Variants in ARHGEF18 observed in about 807,000 individuals in gnomAD.
The protein encoded by ARHGEF18 is rho guanine nucleotide exchange factor 18.
ARHGEF18 carries 93 observed loss-of-function variants against 155.7 expected under a neutral mutation model. The ratio of observed to expected loss-of-function variants is 0.60; its 90% confidence interval spans 0.50 to 0.71. The LOEUF (loss-of-function observed/expected upper bound fraction) is 0.71, where lower values mean the gene tolerates loss of function less well. Ranked by LOEUF, ARHGEF18 falls within the 30% of genes least tolerant of loss-of-function variation. ARHGEF18 has a pLI of 0.00. For synonymous variants in ARHGEF18, 742 were observed against 753.1 expected (o/e 0.99, Z 0.24); for missense variants, 1,593 against 1,816.1 (o/e 0.88, Z 2.23).
chr19:7,475,753 G>A (rs917190997), downstream of ARHGEF18, among the ~76,000 whole-genome samples: 7 of 152,196 alleles, frequency 4.6e-5, no homozygotes, highest in African/African-American at 7.2e-5. Context: ...ACACAGAGGC[G>A]CTGCTCCAAG....
At chr19:7,368,016 AGGGC>A (rs60202561) in intron 2 of ARHGEF18, among the ~76,000 whole-genome samples, 5,827 of 118,948 alleles carry the variant, frequency 0.049, 659 homozygotes, top group African/African-American at 0.15. Context: ...GGAGGGAGGG[AGGGC>A]GGAAGGAAGG....
chr19:7,360,718 C>T (rs1414164585), intron 1 of ARHGEF18, among the ~76,000 whole-genome samples: 2 of 152,224 alleles, frequency 1.3e-5, no homozygotes, highest in East Asian at 3.8e-4. Flanking sequence ...ATGGGACTGC[C>T]TTTCCCCTCC....
At chr19:7,375,351 A>AAG (rs1970398852) in intron 3 of ARHGEF18, among the ~76,000 whole-genome samples, 1 of 143,648 alleles carries the variant, frequency 7.0e-6, no homozygotes, top group Non-Finnish European at 1.5e-5. Context: ...AGAAAAAGAA[A>AAG]GAAAAGGAAG....
intron 10 of ARHGEF18, among the ~76,000 whole-genome samples, chr19:7,401,265 G>A (rs1972008479): frequency 6.6e-6 from 1 of 152,018 alleles, no homozygotes; most frequent in Admixed American, 6.6e-5. Context: ...TGTCCACTTG[G>A]GGGCTCCTAA....
At chr19:7,353,651 A>G (rs1369377538) in intron 1 of ARHGEF18, among the ~76,000 whole-genome samples, 5 of 151,398 alleles carry the variant, frequency 3.3e-5, no homozygotes, top group African/African-American at 1.2e-4. Flanking sequence ...TCCCTGTTGT[A>G]TTTTTTTAAA....
intron 10 of ARHGEF18, among the ~76,000 whole-genome samples, chr19:7,398,604 T>C (rs1600295729): frequency 6.7e-6 from 1 of 150,318 alleles, no homozygotes; most frequent in East Asian, 2.0e-4. Context: ...GGCAGGAGAA[T>C]CGCTTGAACC....
At chr19:7,449,620 T>C (rs763131896) in intron 15 of ARHGEF18, among the ~76,000 whole-genome samples, 12 of 152,030 alleles carry the variant, frequency 7.9e-5, no homozygotes, top group Admixed American at 6.6e-4. Context: ...CATGTGTACA[T>C]TGTGTGTGTG....
In ARHGEF18 at chr19:7,456,366, T is replaced by C. The variant is rs770630262; in HGVS notation, c.2144T>C (p.Leu715Pro). The change falls in exon 18 of 29, where the codon CTA becomes CCA. Residue 715 changes from leucine to proline, a missense_variant. Coordinates refer to ENST00000668164, the MANE Select transcript of ARHGEF18 (RefSeq NM_001367823.1). ...CTGCTGACCGACGTACTTTTGCTGC[T>C]ACAAGAAAAAGATCAGAAATACGTC... ...AILLTDVLLL[L>P]QEKDQKYVFA... 5.0e-6 allele frequency: 8 copies of C among 1,614,054 alleles called. No individual in the cohort carries two copies. The highest frequency in any genetic ancestry group is 5.1e-6 in the Non-Finnish European group (6 of 1,180,030).
intron 10 of ARHGEF18, among the ~76,000 whole-genome samples, chr19:7,407,245 T>G (rs1310379254): frequency 6.8e-6 from 1 of 147,322 alleles, no homozygotes; most frequent in Non-Finnish European, 1.5e-5. Context: ...GCCAACATGG[T>G]GAAAACCCCG....
chr19:7,467,709 G>A (rs556277826), intron 26 of ARHGEF18, 25 bp downstream of exon 26: 126 of 1,458,594 alleles, frequency 8.6e-5, no homozygotes, highest in Non-Finnish European at 1.0e-4. Flanking sequence ...GCCAGTGTGC[G>A]CAGGTTGGGG....
chr19:7,472,920 T>C, downstream of ARHGEF18: 2 of 451,652 alleles, frequency 4.4e-6, no homozygotes. Flanking sequence ...GAGGCTGGTC[T>C]CGAACTCCTG....
chr19:7,477,614 G>A, the ARHGEF18 span, among the ~76,000 whole-genome samples: 2 of 151,706 alleles, frequency 1.3e-5, no homozygotes. Flanking sequence ...TCACCCCCCC[G>A]ACCCAAGCAC....
At chr19:7,361,928 G>A (rs1568264030) in intron 1 of ARHGEF18, among the ~76,000 whole-genome samples, 1 of 151,612 alleles carries the variant, frequency 6.6e-6, no homozygotes, top group Non-Finnish European at 1.5e-5. Flanking sequence ...GGAGGCGGAG[G>A]TTGTGGTGAG....
intron 3 of ARHGEF18, among the ~76,000 whole-genome samples, chr19:7,373,953 G>A (rs976462554): frequency 6.6e-6 from 1 of 151,064 alleles, no homozygotes; most frequent in Non-Finnish European, 1.5e-5. Flanking sequence ...TAGAGATGGA[G>A]TTTTACCATG....
chr19:7,373,920 C>A (rs563666174), intron 3 of ARHGEF18, among the ~76,000 whole-genome samples: 1 of 150,104 alleles, frequency 6.7e-6, no homozygotes, highest in Non-Finnish European at 1.5e-5. Flanking sequence ...CCACCACACC[C>A]GGCTAATTTT....
intron 10 of ARHGEF18, among the ~76,000 whole-genome samples, chr19:7,430,053 ACC>A (rs761085213): frequency 6.6e-6 from 1 of 151,606 alleles, no homozygotes; most frequent in Non-Finnish European, 1.5e-5. Context: ...TATTCATGGT[ACC>A]CACACCCAGT....
intron 10 of ARHGEF18, among the ~76,000 whole-genome samples, chr19:7,389,745 G>A (rs1600266686): frequency 1.3e-5 from 2 of 151,338 alleles, no homozygotes; most frequent in East Asian, 4.0e-4. Context: ...GTGTTGGCCA[G>A]GCTGGTCTCG....
intron 15 of ARHGEF18, among the ~76,000 whole-genome samples, chr19:7,448,598 G>T (rs961677481): frequency 1.3e-5 from 2 of 151,508 alleles, no homozygotes; most frequent in Non-Finnish European, 2.9e-5. Flanking sequence ...GAGGCGGAGC[G>T]TGCAGTGAGC....
At chr19:7,442,127 T>C in intron 13 of ARHGEF18, 75 bp downstream of exon 13, 1 of 45,364 alleles carries the variant, frequency 2.2e-5, no homozygotes, top group Non-Finnish European at 3.1e-5. Context: ...CCTCCCTCCC[T>C]TCCTTCCTTC....
Sources: gnomAD v4.1 joint callset for allele counts (sites outside exome capture counted in the v4.1 genomes callset) on GRCh38, gnomAD v4.1.1 for gene constraint, MANE v1.5 for transcripts, NCBI Gene and HGNC (gene_info 2026-07-23, HGNC 2026-07-21) for gene names.